SF3A1: variants seen among roughly 807,000 people sequenced by gnomAD.
SF3A1 encodes splicing factor 3a subunit 1, also known as SAP 114.
Under a neutral mutation model 89.9 loss-of-function variants are expected in SF3A1, and 13 were observed. That is an observed-to-expected ratio of 0.14 (90% CI 0.09 to 0.23). SF3A1 has a LOEUF of 0.23. Among genes scored for constraint, SF3A1 ranks in the 10% least tolerant of loss-of-function variants. The pLI is 1.00. For missense variants in SF3A1, 604 were observed against 1,022.1 expected (o/e 0.59, Z 5.58); for synonymous variants, 405 against 374.4 (o/e 1.08, Z -0.94).
At chr22:30,353,807 T>C (rs1183697168) in intron 1 of SF3A1, among the ~76,000 whole-genome samples, 3 of 152,152 alleles carry the variant, frequency 2.0e-5, no homozygotes, top group African/African-American at 7.2e-5. Flanking sequence ...TCTGAGGAGT[T>C]TTGTCTGCGA....
intron 6 of SF3A1, 133 bp downstream of exon 6, chr22:30,342,067 T>C (rs1260265988): frequency 1.6e-6 from 2 of 1,245,016 alleles, no homozygotes; most frequent in African/African-American, 1.5e-5. Context: ...TGAAGTCTTT[T>C]GGGAGCAGGG....
intron 2 of SF3A1, among the ~76,000 whole-genome samples, chr22:30,348,843 G>C (rs932718480): frequency 1.3e-5 from 2 of 152,236 alleles, no homozygotes; most frequent in Admixed American, 1.3e-4. Flanking sequence ...AGGGGCCCTG[G>C]TTGTCTCCTG....
At chr22:30,352,830 G>T in intron 2 of SF3A1, 121 bp downstream of exon 2, 8 of 1,282,160 alleles carry the variant, frequency 6.2e-6, no homozygotes, top group Non-Finnish European at 6.5e-6. Context: ...CCATGTTGTG[G>T]TTTTTTATGA....
intron 2 of SF3A1, among the ~76,000 whole-genome samples, chr22:30,347,382 T>C (rs1427015904): frequency 6.6e-6 from 1 of 152,144 alleles, no homozygotes; most frequent in Non-Finnish European, 1.5e-5. Context: ...ATTATACTGG[T>C]GAGGCCCACA....
At chr22:30,346,658 G>C (rs1931431209) in intron 2 of SF3A1, 139 bp from the exon 3 acceptor site, 1 of 885,768 alleles carries the variant, frequency 1.1e-6, no homozygotes, top group South Asian at 1.7e-5. Context: ...TCCTCCTCTA[G>C]CTTCCTGGCA....
intron 1 of SF3A1, among the ~76,000 whole-genome samples, chr22:30,355,071 C>G (rs1234329770): frequency 6.6e-6 from 1 of 152,016 alleles, no homozygotes; most frequent in Non-Finnish European, 1.5e-5. Flanking sequence ...GTCGCCCAGG[C>G]TGGAGTGCAG....
At chr22:30,346,150 T>C (rs763984831) in intron 3 of SF3A1, 162 bp downstream of exon 3, 10 of 622,180 alleles carry the variant, frequency 1.6e-5, no homozygotes, top group African/African-American at 5.5e-5. Context: ...CTAACATCAG[T>C]ACTTTGCTGT....
rs188702760 is a variant in SF3A1 at position 30,355,585 on chromosome 22, G to C, written c.63+1145C>G. ...TCCCTTTTCTTCCCACTGTCTACAA[G>C]GAAAAGTTCAAATCCTAAGTAAGAA... On this transcript the variant is annotated intron_variant, in intron 1 of 15. Transcript: ENST00000215793. Among the ~76,000 whole-genome samples the C allele has an allele frequency of 2.5e-3, 376 of 152,302 alleles. 1 individual carries two copies. The highest frequency in any genetic ancestry group is 3.4e-3 in the Middle Eastern group (1 of 294).
Position 30,334,248 on chromosome 22 carries a change from G to T in SF3A1, c.*346C>A. 5.3e-6 allele frequency: 1 copy of T among 190,094 alleles called. No homozygotes were observed. Among genetic ancestry groups the T allele is most frequent in the Non-Finnish European group, 1.1e-5 (1 of 93,288 alleles). 11.8% of individuals were successfully genotyped at this position (190,094 alleles called of 1,614,324 possible). The stretch of plus-strand genomic sequence containing the variant: ...TACAAAATGATTAATGACAATATCA[G>T]CCATATTCTATTAGCCAAGTGCCAC... On this transcript the variant is annotated 3_prime_UTR_variant, in exon 16 of 16. Coordinates refer to ENST00000215793, the MANE Select transcript of SF3A1 (RefSeq NM_005877.6).
intron 1 of SF3A1, among the ~76,000 whole-genome samples, chr22:30,356,484 A>C (rs1187664224): frequency 6.6e-6 from 1 of 152,256 alleles, no homozygotes; most frequent in Non-Finnish European, 1.5e-5. Context: ...TCTACGGCGG[A>C]GACTCCACAT....
chr22:30,334,008 A>C lies in SF3A1; in HGVS notation c.*586T>G, dbSNP rs912625376. The C allele has an allele frequency of 6.6e-6, 1 of 152,348 alleles. No individual in the cohort carries two copies. The highest frequency in any genetic ancestry group is 2.4e-5 in the African/African-American group (1 of 41,568). 9.4% of individuals were successfully genotyped at this position (152,348 alleles called of 1,614,324 possible). A position where few individuals can be genotyped will look rare whatever the true frequency, so the allele number is the denominator to read the frequency against. ...GGCCTTTGGAGGATCCCAATGTTTT[A>C]AAAGGGCAATACGAATATGATTCTA... On this transcript the variant is annotated 3_prime_UTR_variant, in exon 16 of 16. Transcript: ENST00000215793.
At chr22:30,343,463 G>A (rs1931325876) in intron 4 of SF3A1, among the ~76,000 whole-genome samples, 1 of 152,186 alleles carries the variant, frequency 6.6e-6, no homozygotes, top group African/African-American at 2.4e-5. Flanking sequence ...TACTTACTGA[G>A]AGAACAAATG....
chr22:30,333,624 T>C lies in SF3A1; in HGVS notation c.*970A>G, dbSNP rs1175132749. The C allele has an allele frequency of 1.3e-5, 2 of 152,240 alleles. No homozygotes were observed. The highest frequency in any genetic ancestry group is 2.9e-5 in the Non-Finnish European group (2 of 68,044). 9.4% of individuals were successfully genotyped at this position (152,240 alleles called of 1,614,324 possible). A position where few individuals can be genotyped will look rare whatever the true frequency, so the allele number is the denominator to read the frequency against. On this transcript the variant is annotated 3_prime_UTR_variant, in exon 16 of 16. Transcript: ENST00000215793. ...GTGTGTGACTATGGCATGCAACTTA[T>C]GTTCTCTGTGCCTCAGTTTACTCAA...
At chr22:30,342,497 TCCAC>T in intron 5 of SF3A1, 147 bp from the exon 6 acceptor site, 2 of 873,208 alleles carry the variant, frequency 2.3e-6, no homozygotes, top group East Asian at 5.3e-5. Context: ...TGCACCTGGT[TCCAC>T]CCAGGTGCAG....
At chr22:30,340,452 T>C (rs1931215212) in intron 8 of SF3A1, 71 bp from the exon 9 acceptor site, 1 of 1,446,710 alleles carries the variant, frequency 6.9e-7, no homozygotes, top group South Asian at 1.2e-5. Flanking sequence ...TGGTATTTCA[T>C]GCGTGCATCA....
At chr22:30,353,706 G>C (rs983673771) in intron 1 of SF3A1, among the ~76,000 whole-genome samples, 6 of 152,150 alleles carry the variant, frequency 3.9e-5, no homozygotes, top group African/African-American at 1.2e-4. Context: ...AAAGGGCTAG[G>C]AATTTCTTTT....
intron 13 of SF3A1, 43 bp from the exon 14 acceptor site, chr22:30,335,796 C>T (rs1931047772): frequency 1.3e-6 from 2 of 1,507,384 alleles, no homozygotes; most frequent in Non-Finnish European, 9.2e-7. Context: ...GAGCTCGGAG[C>T]CAATCAAGAA....
intron 4 of SF3A1, among the ~76,000 whole-genome samples, chr22:30,343,697 A>C (rs542293114): frequency 6.6e-6 from 1 of 152,376 alleles, no homozygotes; most frequent in Non-Finnish European, 1.5e-5. Flanking sequence ...GGGACCTTTA[A>C]CCCTGGAAGC....
In SF3A1 at chr22:30,333,874, T is replaced by TCCAGGCCAGCAGGAAACCACCG; in HGVS notation, c.*698_*719dup. The stretch of plus-strand genomic sequence containing the variant: ...GCCAATCAATCAGGTGATGAGTGAT[T>TCCAGGCCAGCAGGAAACCACCG]CCAGGCCAGCAGGAAACCACCGCCC... On this transcript the variant is annotated 3_prime_UTR_variant, in exon 16 of 16. Coordinates refer to ENST00000215793, the MANE Select transcript of SF3A1 (RefSeq NM_005877.6). 6.6e-6 allele frequency: 1 copy of TCCAGGCCAGCAGGAAACCACCG among 152,172 alleles called. No individual in the cohort carries two copies. Among genetic ancestry groups the TCCAGGCCAGCAGGAAACCACCG allele is most frequent in the Non-Finnish European group, 1.5e-5 (1 of 68,044 alleles). The allele number at this position is 152,172 out of a possible 1,614,324, so 9.4% of individuals were successfully genotyped here.
Sources: allele counts gnomAD v4.1 joint callset (sites outside exome capture counted in the v4.1 genomes callset), GRCh38; gene constraint gnomAD v4.1.1; transcripts MANE v1.5; gene names NCBI Gene and HGNC (gene_info 2026-07-23, HGNC 2026-07-21).